Variants in CSMD2 observed in about 807,000 individuals in gnomAD.
The protein encoded by CSMD2 is CUB and Sushi multiple domains 2.
CSMD2 carries 130 observed loss-of-function variants against 398.5 expected under a neutral mutation model. That is an observed-to-expected ratio of 0.33 (90% CI 0.28 to 0.38). The LOEUF (loss-of-function observed/expected upper bound fraction) is 0.38, where lower values mean the gene tolerates loss of function less well. Among genes scored for constraint, CSMD2 ranks in the 10% least tolerant of loss-of-function variants. The pLI is 1.00. For synonymous variants in CSMD2, 1,828 were observed against 1,908.5 expected, an observed-to-expected ratio of 0.96 and a Z score of 1.10; for missense variants, 3,829 against 4,764.9, an observed-to-expected ratio of 0.80 and a Z score of 5.78.
At chr1:34,042,356 T>C (rs978724280) in intron 2 of CSMD2, among the ~76,000 whole-genome samples, 2 of 152,242 alleles carry the variant, frequency 1.3e-5, no homozygotes, top group Non-Finnish European at 2.9e-5. Flanking sequence ...CAAGGTCAAA[T>C]TGGCATGTCA....
chr1:34,111,811 T>TCATA (rs1435942398), intron 1 of CSMD2, among the ~76,000 whole-genome samples: 1 of 151,982 alleles, frequency 6.6e-6, no homozygotes, highest in Admixed American at 6.6e-5. Context: ...TTTGGGCTGG[T>TCATA]CATATGCCAG....
chr1:33,648,787 G>C (rs931727039), intron 28 of CSMD2, among the ~76,000 whole-genome samples: 1 of 152,020 alleles, frequency 6.6e-6, no homozygotes, highest in African/African-American at 2.4e-5. Context: ...AGTTTCAATG[G>C]GAAATCATTA....
At chr1:33,664,635 TTACTAAA>T (rs1291198009) in intron 25 of CSMD2, among the ~76,000 whole-genome samples, 16 of 151,674 alleles carry the variant, frequency 1.1e-4, no homozygotes, top group Non-Finnish European at 1.9e-4. Flanking sequence ...AACCCCGTCT[TTACTAAA>T]AATACAAAAA....
At chr1:34,014,149 C>T (rs1401595488) in intron 3 of CSMD2, among the ~76,000 whole-genome samples, 1 of 152,258 alleles carries the variant, frequency 6.6e-6, no homozygotes, top group Non-Finnish European at 1.5e-5. Flanking sequence ...TCCGCCTTCA[C>T]CGTTGCGGCT....
At chr1:34,162,928 G>A (rs1476014198) in intron 1 of CSMD2, among the ~76,000 whole-genome samples, 1 of 152,156 alleles carries the variant, frequency 6.6e-6, no homozygotes, top group Admixed American at 6.5e-5. Context: ...CCAGAGCAGG[G>A]CCTGCCGGAG....
intron 59 of CSMD2, 102 bp from the exon 60 acceptor site, chr1:33,540,800 C>T (rs1656256592): frequency 7.4e-7 from 1 of 1,342,396 alleles, no homozygotes; most frequent in African/African-American, 1.5e-5. Context: ...CACCTAGAGC[C>T]TGGGCTAAAC....
intron 48 of CSMD2, 88 bp downstream of exon 48, chr1:33,580,665 G>A (rs1638628997): frequency 6.9e-7 from 1 of 1,448,830 alleles, no homozygotes; most frequent in African/African-American, 1.4e-5. Flanking sequence ...GCAGATTTAG[G>A]AGGGGAATGG....
intron 5 of CSMD2, among the ~76,000 whole-genome samples, chr1:33,878,855 T>C (rs1278656300): frequency 1.3e-5 from 2 of 152,254 alleles, no homozygotes; most frequent in Non-Finnish European, 2.9e-5. Context: ...GACAGGGTGC[T>C]ATTGTGCTTT....
intron 3 of CSMD2, among the ~76,000 whole-genome samples, chr1:33,946,620 CT>C (rs756819198): frequency 0.01 from 1,481 of 144,948 alleles, 17 homozygotes; most frequent in Admixed American, 0.037. Context: ...CATCTGACAA[CT>C]TTTTTTTTTT....
At chr1:33,632,603 C>A (rs1642528880) in intron 32 of CSMD2, among the ~76,000 whole-genome samples, 1 of 151,914 alleles carries the variant, frequency 6.6e-6, no homozygotes. Flanking sequence ...TTTTTAATTA[C>A]CTGGTTTTTG....
chr1:33,983,756 T>G (rs1248967100), intron 3 of CSMD2, among the ~76,000 whole-genome samples: 1 of 152,128 alleles, frequency 6.6e-6, no homozygotes, highest in Non-Finnish European at 1.5e-5. Flanking sequence ...CTTGTTTCTG[T>G]GCATGTATTG....
intron 5 of CSMD2, among the ~76,000 whole-genome samples, chr1:33,874,279 G>T (rs1289856419): frequency 6.6e-6 from 1 of 152,210 alleles, no homozygotes; most frequent in Admixed American, 6.5e-5. Flanking sequence ...GCTTGTGTTA[G>T]ATGATTTGGG....
chr1:33,896,147 G>A (rs1005643161), intron 5 of CSMD2, among the ~76,000 whole-genome samples: 8 of 152,072 alleles, frequency 5.3e-5, no homozygotes, highest in African/African-American at 1.9e-4. Context: ...AGATTTTGAT[G>A]ATGAATTCAT....
At position 33,617,666 on chromosome 1, in the gene CSMD2, G is replaced by A. The variant is rs377060655; in HGVS notation, c.5828-49C>T. On this transcript the variant is annotated intron_variant, in intron 37 of 70. Transcript: ENST00000373381. The stretch of plus-strand genomic sequence containing the variant: ...AAAGGAGAATGGACTAGCCCAGCAG[G>A]TCAACGTGGCGGTAGGCTGGGGTGA... 4.1e-6 allele frequency: 6 copies of A among 1,451,958 alleles called. No homozygotes were observed. In the African/African-American group the frequency reaches 7.0e-5, roughly 17 times the overall value. The allele number at this position is 1,451,958 out of a possible 1,614,324, so 89.9% of individuals were successfully genotyped here. A position where few individuals can be genotyped will look rare whatever the true frequency, so the allele number is the denominator to read the frequency against.
chr1:34,026,194 A>G (rs1240441965), intron 3 of CSMD2, among the ~76,000 whole-genome samples: 4 of 152,224 alleles, frequency 2.6e-5, no homozygotes, highest in Non-Finnish European at 4.4e-5. Context: ...ATGAAATGAC[A>G]TAACTTGTCC....
chr1:33,537,198 C>G lies in CSMD2; in HGVS notation c.9806-103G>C. ...GTAGAAAAGAAAATGCGGCCACATCCTGACTTCCCTGCCCACTGAGATCCC... is the reference window on the plus strand; with the variant it reads ...GTAGAAAAGAAAATGCGGCCACATCGTGACTTCCCTGCCCACTGAGATCCC... On this transcript the variant is annotated intron_variant, in intron 61 of 70. Transcript: ENST00000373381. This position sits in a 1 kb window ranked among gnomAD's most constrained non-coding sequence, Gnocchi z 4.6. The G allele has an allele frequency of 7.6e-7, 1 of 1,316,826 alleles. No homozygotes were observed. Among genetic ancestry groups the G allele is most frequent in the Non-Finnish European group, 1.1e-6 (1 of 923,348 alleles). 81.6% of individuals were successfully genotyped at this position (1,316,826 alleles called of 1,614,324 possible). A position where few individuals can be genotyped will look rare whatever the true frequency, so the allele number is the denominator to read the frequency against.
chr1:33,704,086 C>A (rs1400315282), intron 22 of CSMD2, among the ~76,000 whole-genome samples: 1 of 152,114 alleles, frequency 6.6e-6, no homozygotes, highest in African/African-American at 2.4e-5. Flanking sequence ...CAGTTAAGAT[C>A]ATGCACATTT....
intron 26 of CSMD2, 52 bp from the exon 27 acceptor site, chr1:33,658,189 C>G: frequency 6.6e-7 from 1 of 1,515,620 alleles, no homozygotes; most frequent in Non-Finnish European, 9.1e-7. Flanking sequence ...GTCTGCCACT[C>G]AGGAGGCTCC....
intron 6 of CSMD2, among the ~76,000 whole-genome samples, chr1:33,832,004 T>A (rs1434805302): frequency 1.3e-5 from 2 of 151,980 alleles, no homozygotes; most frequent in Non-Finnish European, 2.9e-5. Context: ...GCACCCGGGT[T>A]CATAAAGCAA....
Sources: gnomAD v4.1 joint callset for allele counts (sites outside exome capture counted in the v4.1 genomes callset) on GRCh38, gnomAD v4.1.1 for gene constraint, Gnocchi (gnomAD v3.1) non-coding constraint, MANE v1.5 for transcripts, NCBI Gene and HGNC (gene_info 2026-07-23, HGNC 2026-07-21) for gene names.